Variants in GRIA1 observed in about 807,000 individuals in gnomAD.
The protein encoded by GRIA1 is glutamate receptor 1.
Under a neutral mutation model 99.2 loss-of-function variants are expected in GRIA1, and 31 were observed. That is an observed-to-expected ratio of 0.31 (90% confidence interval 0.23 to 0.42). The LOEUF is 0.42. Among genes scored for constraint, GRIA1 ranks in the 10% least tolerant of loss-of-function variants. GRIA1 has a pLI of 1.00. For synonymous variants in GRIA1, 438 were observed against 432.4 expected (o/e 1.01, Z -0.16); for missense variants, 782 against 1,157.5 (o/e 0.68, Z 4.71).
chr5:153,709,900 C>T (rs1026746108), intron 11 of GRIA1, among the ~76,000 whole-genome samples: 5 of 152,060 alleles, frequency 3.3e-5, no homozygotes, highest in Admixed American at 3.3e-4. Flanking sequence ...GGGTAGGAAT[C>T]GATATTGGGG....
intron 11 of GRIA1, among the ~76,000 whole-genome samples, chr5:153,761,429 C>T (rs1763174770): frequency 6.6e-6 from 1 of 152,130 alleles, no homozygotes; most frequent in South Asian, 2.1e-4. Context: ...CTCCACATCA[C>T]TAATCATCAG....
intron 2 of GRIA1, among the ~76,000 whole-genome samples, chr5:153,644,243 T>C (rs996889391): frequency 6.6e-6 from 1 of 152,226 alleles, no homozygotes; most frequent in Admixed American, 6.5e-5. Flanking sequence ...ATCTTTATTC[T>C]AGTTATTATA....
intron 2 of GRIA1, among the ~76,000 whole-genome samples, chr5:153,646,267 G>A: frequency 6.9e-6 from 1 of 145,120 alleles, no homozygotes; most frequent in East Asian, 1.9e-4. Flanking sequence ...AACATTAGCA[G>A]ACAAATGAAC....
At chr5:153,614,934 T>C (rs922390585) in intron 2 of GRIA1, among the ~76,000 whole-genome samples, 1 of 152,224 alleles carries the variant, frequency 6.6e-6, no homozygotes, top group African/African-American at 2.4e-5. Flanking sequence ...GGCCTTAAGA[T>C]AAGGAATCAG....
At chr5:153,507,798 A>G (rs1428683670) in intron 2 of GRIA1, among the ~76,000 whole-genome samples, 4 of 152,194 alleles carry the variant, frequency 2.6e-5, no homozygotes, top group Non-Finnish European at 5.9e-5. Flanking sequence ...ACTCAGACTA[A>G]AATATGAGTC....
intron 2 of GRIA1, chr5:153,494,322 T>A: frequency 2.2e-6 from 1 of 452,372 alleles, no homozygotes; most frequent in East Asian, 3.9e-5. Context: ...GTGCTTGGGT[T>A]GACTGCATCT....
intron 14 of GRIA1, among the ~76,000 whole-genome samples, chr5:153,800,817 G>A (rs956769818): frequency 4.6e-5 from 7 of 152,190 alleles, no homozygotes; most frequent in African/African-American, 9.7e-5. Flanking sequence ...CATATGCCCC[G>A]ATTCTAATAG....
intron 5 of GRIA1, among the ~76,000 whole-genome samples, chr5:153,662,105 C>A (rs1451657088): frequency 6.6e-6 from 1 of 152,218 alleles, no homozygotes; most frequent in Non-Finnish European, 1.5e-5. Flanking sequence ...TTACCTGTGC[C>A]TTCCCACAAA....
At chr5:153,590,431 G>T (rs1468159715) in intron 2 of GRIA1, among the ~76,000 whole-genome samples, 1 of 151,628 alleles carries the variant, frequency 6.6e-6, no homozygotes, top group Non-Finnish European at 1.5e-5. Flanking sequence ...GAAAAATCAA[G>T]ACTGAGAGAC....
chr5:153,735,206 A>G (rs975678467), intron 11 of GRIA1, among the ~76,000 whole-genome samples: 2 of 152,210 alleles, frequency 1.3e-5, no homozygotes, highest in Non-Finnish European at 2.9e-5. Context: ...TTGGGAGGAT[A>G]TTGTAGCAGG....
intron 11 of GRIA1, among the ~76,000 whole-genome samples, chr5:153,715,600 A>C (rs1273459037): frequency 2.0e-5 from 3 of 152,184 alleles, no homozygotes; most frequent in Non-Finnish European, 2.9e-5. Context: ...GATGAGATTC[A>C]TGGAAAACAT....
intron 2 of GRIA1, among the ~76,000 whole-genome samples, chr5:153,541,553 G>C (rs954417703): frequency 6.6e-5 from 10 of 152,144 alleles, no homozygotes; most frequent in African/African-American, 2.4e-4. Context: ...AATTCCCTCA[G>C]TATACCTAGC....
At chr5:153,605,271 T>G (rs1008602958) in intron 2 of GRIA1, among the ~76,000 whole-genome samples, 1 of 152,192 alleles carries the variant, frequency 6.6e-6, no homozygotes, top group African/African-American at 2.4e-5. Context: ...TTTATGTGTG[T>G]ATCTGTTTAC....
At chr5:153,689,503 G>A (rs1581474544) in intron 8 of GRIA1, among the ~76,000 whole-genome samples, 1 of 152,174 alleles carries the variant, frequency 6.6e-6, no homozygotes. Context: ...TAGTGGATTA[G>A]CTTAAAATAT....
At chr5:153,498,926 A>C (rs1330317094) in intron 2 of GRIA1, among the ~76,000 whole-genome samples, 1 of 152,092 alleles carries the variant, frequency 6.6e-6, no homozygotes, top group Non-Finnish European at 1.5e-5. Flanking sequence ...AGGCCAATCT[A>C]CTCATACCTG....
chr5:153,614,832 G>T (rs1403915563), intron 2 of GRIA1, among the ~76,000 whole-genome samples: 2 of 152,194 alleles, frequency 1.3e-5, no homozygotes, highest in East Asian at 3.8e-4. Context: ...GAGGGACGCT[G>T]TGATATAGAT....
In GRIA1 at chr5:153,647,185, G is replaced by A. The variant is rs1561725229; in HGVS notation, c.460+18G>A. The A allele has an allele frequency of 2.5e-6, 4 of 1,610,134 alleles. No homozygotes were observed. The highest frequency in any genetic ancestry group is 1.1e-5 in the South Asian group (1 of 90,850). On this transcript the variant is annotated intron_variant, in intron 3 of 15. Coordinates refer to ENST00000285900, the MANE Select transcript of GRIA1 (RefSeq NM_000827.4). ...CGACCGGGGTAAGCCAAGGGTTAGG[G>A]GAGGGAGACTTTTGAGGGATGGAGA...
chr5:153,706,996 T>C (rs981323697), intron 11 of GRIA1, among the ~76,000 whole-genome samples: 8 of 152,240 alleles, frequency 5.3e-5, no homozygotes, highest in African/African-American at 1.9e-4. Context: ...CAGGTGCCCG[T>C]AATTCCAGCT....
At chr5:153,731,226 T>TTCTCTC (rs372671407) in intron 11 of GRIA1, among the ~76,000 whole-genome samples, 2 of 149,400 alleles carry the variant, frequency 1.3e-5, no homozygotes, top group African/African-American at 4.9e-5. Flanking sequence ...CTGTCTCTCT[T>TTCTCTC]TCTCTCTCTC....
Sources: allele counts gnomAD v4.1 joint callset (sites outside exome capture counted in the v4.1 genomes callset), GRCh38; gene constraint gnomAD v4.1.1; transcripts MANE v1.5; gene names NCBI Gene and HGNC (gene_info 2026-07-23, HGNC 2026-07-21).